The following RAB38 variants were observed in gnomAD, a reference collection of about 807,000 sequenced individuals.
RAB38 encodes RAB38, member RAS oncogene family.
A neutral mutation model predicts 18.4 loss-of-function variants in RAB38; 15 were observed. The observed-to-expected ratio is 0.82, with a 90% confidence interval of 0.55 to 1.26. The LOEUF (loss-of-function observed/expected upper bound fraction) is 1.26, where lower values mean the gene tolerates loss of function less well. Ranked by LOEUF, RAB38 falls within the 50% of genes most tolerant of loss-of-function variation. RAB38 has a pLI of 0.00. For missense variants in RAB38, 294 were observed against 267.4 expected (o/e 1.10, Z -0.69); for synonymous variants, 101 against 104.4 (o/e 0.97, Z 0.20).
At chr11:88,138,753 T>C (rs1191384270) in intron 2 of RAB38, among the ~76,000 whole-genome samples, 2 of 151,578 alleles carry the variant, frequency 1.3e-5, no homozygotes, top group African/African-American at 4.8e-5. Context: ...ACATGCATTT[T>C]ATACATACAA....
At chr11:88,050,640 C>A in the RAB38 span, among the ~76,000 whole-genome samples, 1 of 152,166 alleles carries the variant, frequency 6.6e-6, no homozygotes, top group Non-Finnish European at 1.5e-5. Context: ...ATATGTATTG[C>A]TTTTTCCCCT....
the RAB38 span, among the ~76,000 whole-genome samples, chr11:88,017,720 T>G: frequency 6.9e-6 from 1 of 144,608 alleles, no homozygotes; most frequent in East Asian, 2.0e-4. Flanking sequence ...ATATATAATA[T>G]ATATTATATA....
At chr11:88,027,007 ACATT>A in the RAB38 span, among the ~76,000 whole-genome samples, 1 of 152,194 alleles carries the variant, frequency 6.6e-6, no homozygotes, top group Admixed American at 6.5e-5. Flanking sequence ...CAATGACCTC[ACATT>A]TTTTAAATTG....
chr11:87,882,193 A>G, the RAB38 span, among the ~76,000 whole-genome samples: 1 of 151,992 alleles, frequency 6.6e-6, no homozygotes, highest in South Asian at 2.1e-4. Flanking sequence ...ATTTGGCCAC[A>G]TTAATAGGCC....
At chr11:87,957,785 C>T in the RAB38 span, among the ~76,000 whole-genome samples, 382 of 151,910 alleles carry the variant, frequency 2.5e-3, 2 homozygotes, top group African/African-American at 8.9e-3. Flanking sequence ...CTTGGGGGAG[C>T]GTGGGGAAAG....
the RAB38 span, among the ~76,000 whole-genome samples, chr11:87,838,323 C>T: frequency 2.6e-5 from 4 of 152,064 alleles, no homozygotes; most frequent in East Asian, 7.7e-4. Context: ...ACCGTGTTAG[C>T]CAGGATGGTC....
the RAB38 span, among the ~76,000 whole-genome samples, chr11:87,809,325 G>T: frequency 6.6e-6 from 1 of 152,190 alleles, no homozygotes; most frequent in Non-Finnish European, 1.5e-5. Flanking sequence ...GATTTGTCCA[G>T]ACTACAAAAG....
At chr11:87,806,497 T>C in the RAB38 span, among the ~76,000 whole-genome samples, 4 of 152,196 alleles carry the variant, frequency 2.6e-5, no homozygotes, top group East Asian at 5.8e-4. Context: ...TACTGTTACA[T>C]TGGGAATATC....
the RAB38 span, among the ~76,000 whole-genome samples, chr11:88,101,208 A>G: frequency 2.0e-5 from 3 of 152,124 alleles, no homozygotes; most frequent in Non-Finnish European, 2.9e-5. Flanking sequence ...TTAAACATCA[A>G]TGACGGAAGT....
At chr11:88,060,494 G>C in the RAB38 span, among the ~76,000 whole-genome samples, 5 of 152,132 alleles carry the variant, frequency 3.3e-5, no homozygotes, top group African/African-American at 1.2e-4. Flanking sequence ...AGGAGGAAGC[G>C]CTGGTAGATA....
the RAB38 span, among the ~76,000 whole-genome samples, chr11:88,012,700 T>C: frequency 6.8e-4 from 104 of 152,174 alleles, no homozygotes; most frequent in African/African-American, 2.5e-3. Context: ...TCTGAAAAGC[T>C]CCTTTGTACT....
the RAB38 span, among the ~76,000 whole-genome samples, chr11:87,865,483 G>A: frequency 6.6e-6 from 1 of 151,698 alleles, no homozygotes; most frequent in African/African-American, 2.4e-5. Flanking sequence ...GTTTGAAAAG[G>A]TGAAGTAAGG....
At chr11:87,938,975 T>G in the RAB38 span, among the ~76,000 whole-genome samples, 8 of 152,094 alleles carry the variant, frequency 5.3e-5, no homozygotes, top group African/African-American at 1.9e-4. Flanking sequence ...AGTCCTTCAT[T>G]GTTTTTTTAA....
the RAB38 span, among the ~76,000 whole-genome samples, chr11:88,044,989 T>C: frequency 2.0e-5 from 3 of 152,172 alleles, no homozygotes; most frequent in African/African-American, 7.2e-5. Context: ...CTTAAAAAGA[T>C]GGCTGGAGCT....
the RAB38 span, among the ~76,000 whole-genome samples, chr11:88,037,692 GTCTTTTGTGTCTGCCT>G: frequency 6.6e-6 from 1 of 152,046 alleles, no homozygotes; most frequent in Admixed American, 6.5e-5. Flanking sequence ...TACAGTATGG[GTCTTTTGTGTCTGCCT>G]TCTTTCACTT....
the RAB38 span, among the ~76,000 whole-genome samples, chr11:88,036,921 T>C: frequency 6.6e-6 from 1 of 152,060 alleles, no homozygotes; most frequent in Admixed American, 6.6e-5. Flanking sequence ...GATTCTTGAA[T>C]CAATATTCAT....
the RAB38 span, among the ~76,000 whole-genome samples, chr11:87,863,219 T>C: frequency 1.3e-5 from 2 of 151,864 alleles, no homozygotes; most frequent in South Asian, 4.1e-4. Flanking sequence ...GCTTTGTGAC[T>C]TTAGGTAAAT....
the RAB38 span, among the ~76,000 whole-genome samples, chr11:87,810,382 A>G: frequency 6.6e-6 from 1 of 152,162 alleles, no homozygotes; most frequent in African/African-American, 2.4e-5. Flanking sequence ...CACCATGTCT[A>G]GCTCTAGAGC....
At chr11:87,973,633 G>T in the RAB38 span, among the ~76,000 whole-genome samples, 2 of 142,980 alleles carry the variant, frequency 1.4e-5, no homozygotes, top group South Asian at 4.9e-4. Flanking sequence ...GGACAAAGCT[G>T]CAGTGTGGAG....
Sources: allele counts gnomAD v4.1 joint callset (sites outside exome capture counted in the v4.1 genomes callset), GRCh38; gene constraint gnomAD v4.1.1; transcripts MANE v1.5; gene names NCBI Gene and HGNC (gene_info 2026-07-23, HGNC 2026-07-21).